The following CLVS1 variants were observed in gnomAD, a reference collection of about 807,000 sequenced individuals.
CLVS1 encodes clavesin 1, also known as clavesin-1.
CLVS1 carries 10 observed loss-of-function variants against 33.1 expected under a neutral mutation model. The observed-to-expected ratio is 0.30, with a 90% CI of 0.19 to 0.51. The LOEUF (loss-of-function observed/expected upper bound fraction) is 0.51. Ranked by LOEUF, CLVS1 falls within the 20% of genes least tolerant of loss-of-function variation. CLVS1 has a pLI of 0.97. For missense variants in CLVS1, 343 were observed against 433.4 expected (o/e 0.79, Z 1.85); for synonymous variants, 163 against 166.1 (o/e 0.98, Z 0.14).
chr8:61,281,528 C>T (rs1020387324), intron 2 of CLVS1, among the ~76,000 whole-genome samples: 1 of 152,164 alleles, frequency 6.6e-6, no homozygotes, highest in Non-Finnish European at 1.5e-5. Context: ...TCATTAGAAA[C>T]CAATCCTGCT....
intron 5 of CLVS1, among the ~76,000 whole-genome samples, chr8:61,493,521 A>G (rs892711595): frequency 9.2e-5 from 14 of 152,176 alleles, no homozygotes; most frequent in South Asian, 2.1e-4. Flanking sequence ...ATTTTTACAC[A>G]TGAGGAGGCC....
At chr8:61,312,157 G>A (rs1208431305) in intron 2 of CLVS1, among the ~76,000 whole-genome samples, 2 of 152,184 alleles carry the variant, frequency 1.3e-5, no homozygotes, top group Non-Finnish European at 2.9e-5. Flanking sequence ...AGCCGAGAAG[G>A]AAAGCCCCTG....
the CLVS1 span, among the ~76,000 whole-genome samples, chr8:61,000,525 T>C: frequency 5.1e-4 from 77 of 152,334 alleles, no homozygotes; most frequent in East Asian, 0.013. Flanking sequence ...GATGAACCTA[T>C]GAAGAATGAG....
chr8:61,247,362 G>C (rs922176338), intron 2 of CLVS1, among the ~76,000 whole-genome samples: 1 of 152,090 alleles, frequency 6.6e-6, no homozygotes, highest in African/African-American at 2.4e-5. Context: ...AGCTCTTTGA[G>C]GGCTAAGAGA....
At chr8:61,274,659 C>T (rs981231829) in intron 2 of CLVS1, among the ~76,000 whole-genome samples, 3 of 152,170 alleles carry the variant, frequency 2.0e-5, no homozygotes, top group Admixed American at 2.0e-4. Context: ...CAAAATTCAT[C>T]TTCATTTTGA....
At chr8:61,284,053 C>T (rs923681624), upstream of CLVS1, among the ~76,000 whole-genome samples, 1 of 152,092 alleles carries the variant, frequency 6.6e-6, no homozygotes, top group Non-Finnish European at 1.5e-5. Context: ...AGAATGAAAT[C>T]CTGACATTTG....
the CLVS1 span, among the ~76,000 whole-genome samples, chr8:61,039,750 G>C: frequency 6.6e-6 from 1 of 152,186 alleles, no homozygotes; most frequent in Middle Eastern, 3.4e-3. Context: ...ATGTTGCCCA[G>C]GCTGATTTTG....
intron 1 of CLVS1, among the ~76,000 whole-genome samples, chr8:61,081,761 G>A (rs1805023093): frequency 6.6e-6 from 1 of 152,076 alleles, no homozygotes; most frequent in African/African-American, 2.4e-5. Flanking sequence ...GAGAGAGTTG[G>A]GTCATAGGAC....
the CLVS1 span, among the ~76,000 whole-genome samples, chr8:61,027,001 T>G: frequency 6.6e-6 from 1 of 152,334 alleles, no homozygotes; most frequent in Admixed American, 6.5e-5. Flanking sequence ...TTTCCATCAA[T>G]GCAGTGTCCC....
chr8:61,170,298 C>T (rs1000612352), intron 2 of CLVS1, among the ~76,000 whole-genome samples: 1 of 152,156 alleles, frequency 6.6e-6, no homozygotes, highest in Non-Finnish European at 1.5e-5. Flanking sequence ...TTGTGTCTAT[C>T]TGTCTGTCTC....
At chr8:61,264,331 A>G (rs951541718) in intron 2 of CLVS1, among the ~76,000 whole-genome samples, 6 of 152,144 alleles carry the variant, frequency 3.9e-5, no homozygotes, top group African/African-American at 1.4e-4. Flanking sequence ...CACCTGGTGC[A>G]GTAATACCAG....
chr8:61,084,822 G>T lies in CLVS1; in HGVS notation c.-243+27592G>T, dbSNP rs138943671. On this transcript the variant is annotated intron_variant, in intron 1 of 2. Transcript: ENST00000522621. The stretch of plus-strand genomic sequence containing the variant: ...CTGTCTCCCCAAAACCTAGTCATTG[G>T]GGGTAGAGATAGAAGAGGCTGATGA... Among the ~76,000 whole-genome samples the T allele has an allele frequency of 9.2e-5, 14 of 152,300 alleles. No homozygotes were observed. In the East Asian group the frequency reaches 2.5e-3, roughly 27 times the overall value.
intron 2 of CLVS1, among the ~76,000 whole-genome samples, chr8:61,266,560 T>A (rs1809307165): frequency 1.3e-5 from 2 of 152,150 alleles, no homozygotes; most frequent in African/African-American, 4.8e-5. Context: ...TCTATTTGGA[T>A]CCTGTTGAAA....
At chr8:60,998,391 G>T in the CLVS1 span, among the ~76,000 whole-genome samples, 1 of 152,046 alleles carries the variant, frequency 6.6e-6, no homozygotes, top group Non-Finnish European at 1.5e-5. Context: ...ATGTCACACC[G>T]GAATACCCGA....
chr8:60,968,089 C>T, the CLVS1 span, among the ~76,000 whole-genome samples: 2 of 152,178 alleles, frequency 1.3e-5, no homozygotes, highest in Non-Finnish European at 2.9e-5. Context: ...CAGGCCTGCC[C>T]CTGGCGAATT....
At chr8:61,207,165 A>T (rs1807867388) in intron 2 of CLVS1, among the ~76,000 whole-genome samples, 1 of 152,260 alleles carries the variant, frequency 6.6e-6, no homozygotes. Flanking sequence ...AGAGAAGGAA[A>T]AAGTAATTCT....
chr8:61,274,755 G>C (rs887518498), intron 2 of CLVS1, among the ~76,000 whole-genome samples: 28 of 152,216 alleles, frequency 1.8e-4, no homozygotes, highest in Middle Eastern at 3.4e-3. Context: ...CATCCTTTTT[G>C]TTTAGATGGA....
At chr8:61,208,911 C>T (rs1169881969) in intron 2 of CLVS1, among the ~76,000 whole-genome samples, 1 of 152,116 alleles carries the variant, frequency 6.6e-6, no homozygotes, top group Admixed American at 6.5e-5. Context: ...GGAGTTGTTT[C>T]CTCATAAATC....
rs141754544 is a variant in CLVS1 at position 61,172,002 on chromosome 8, G to A, written c.-152+40142G>A. Among the ~76,000 whole-genome samples the A allele has an allele frequency of 4.6e-3, 695 of 152,256 alleles. 5 individuals are homozygous for A. The highest frequency in any genetic ancestry group is 7.2e-3 in the Non-Finnish European group (487 of 68,008). On this transcript the variant is annotated intron_variant, in intron 2 of 2. Coordinates refer to the CLVS1 transcript ENST00000522621. The stretch of plus-strand genomic sequence containing the variant: ...AGAATGACAAAAGCGAATCCTCAGA[G>A]AATGAAAGGTCAAATTCACCTCCAA...
Sources: allele counts gnomAD v4.1 joint callset (sites outside exome capture counted in the v4.1 genomes callset), GRCh38; gene constraint gnomAD v4.1.1; transcripts MANE v1.5; gene names NCBI Gene and HGNC (gene_info 2026-07-23, HGNC 2026-07-21).